The following LYRM4 variants were observed in gnomAD, a reference collection of about 807,000 sequenced individuals.
The protein encoded by LYRM4 is LYR motif containing 4, also known as LYR motif-containing protein 4.
Under a neutral mutation model 11.7 loss-of-function variants are expected in LYRM4, and 9 were observed. The observed-to-expected ratio is 0.77, with a 90% confidence interval of 0.46 to 1.34. LYRM4 has a LOEUF of 1.34. Ranked by LOEUF, LYRM4 falls within the 40% of genes most tolerant of loss-of-function variation. The pLI, the probability that LYRM4 is intolerant of heterozygous loss-of-function variation, is 0.00. For synonymous variants in LYRM4, 42 were observed against 40.4 expected, an observed-to-expected ratio of 1.04 and a Z score of -0.15; for missense variants, 133 against 112.5, an observed-to-expected ratio of 1.18 and a Z score of -0.82.
intron 1 of LYRM4, among the ~76,000 whole-genome samples, chr6:5,227,023 A>G (rs1762933913): frequency 1.3e-5 from 2 of 152,208 alleles, no homozygotes; most frequent in African/African-American, 4.8e-5. Flanking sequence ...AACCCTGGTG[A>G]AAAGAAGAGG....
intron 1 of LYRM4, 49 bp downstream of exon 1, chr6:5,260,599 C>CCCCCGGG: frequency 8.8e-7 from 1 of 1,134,696 alleles, no homozygotes; most frequent in Non-Finnish European, 1.3e-6. Context: ...CACCCCCGGT[C>CCCCCGGG]CCCGGCCCCT....
chr6:5,145,070 G>T (rs545728933), intron 2 of LYRM4, among the ~76,000 whole-genome samples: 2 of 152,354 alleles, frequency 1.3e-5, no homozygotes, highest in Admixed American at 6.5e-5. Flanking sequence ...CGCTGGAAGA[G>T]AATTCCACAG....
intron 1 of LYRM4, among the ~76,000 whole-genome samples, chr6:5,247,077 C>T (rs1019917531): frequency 4.6e-5 from 7 of 152,182 alleles, no homozygotes; most frequent in Non-Finnish European, 5.9e-5. Context: ...CAGGATTCTG[C>T]GGCCCACAGC....
the LYRM4 span, chr6:5,086,331 G>A: frequency 6.5e-7 from 1 of 1,535,806 alleles, no homozygotes. Context: ...CACCGTCTGG[G>A]GCCTCCGAGC....
chr6:5,192,584 A>C (rs1416459709), intron 2 of LYRM4, among the ~76,000 whole-genome samples: 2 of 152,130 alleles, frequency 1.3e-5, no homozygotes, highest in African/African-American at 4.8e-5. Context: ...CACAGGACAG[A>C]ATGCCTGTGA....
At chr6:5,112,693 T>C (rs1289811249) in intron 2 of LYRM4, among the ~76,000 whole-genome samples, 1 of 152,062 alleles carries the variant, frequency 6.6e-6, no homozygotes, top group African/African-American at 2.4e-5. Context: ...GCATCTGGAA[T>C]GTGCTAGCAT....
At chr6:5,048,290 G>GGTGTGTGTGTGTGTGT in the LYRM4 span, among the ~76,000 whole-genome samples, 4 of 140,058 alleles carry the variant, frequency 2.9e-5, no homozygotes, top group Admixed American at 7.2e-5. Flanking sequence ...GACACTTTGT[G>GGTGTGTGTGTGTGTGT]GTGTGTGTGT....
downstream of LYRM4, chr6:5,106,925 G>C (rs951336932): frequency 3.9e-5 from 6 of 152,262 alleles, no homozygotes; most frequent in African/African-American, 1.4e-4. Flanking sequence ...TAGTCAAGGA[G>C]GTGGAATACT....
At chr6:5,259,494 T>C (rs1187896573) in intron 1 of LYRM4, among the ~76,000 whole-genome samples, 1 of 152,224 alleles carries the variant, frequency 6.6e-6, no homozygotes, top group Non-Finnish European at 1.5e-5. Flanking sequence ...ATTTGCAGCA[T>C]GAGTATATTT....
chr6:5,257,006 T>C (rs1764709049), intron 1 of LYRM4, among the ~76,000 whole-genome samples: 2 of 152,184 alleles, frequency 1.3e-5, no homozygotes, highest in Admixed American at 1.3e-4. Context: ...TATCTTCCAC[T>C]ATTCCTGTCC....
At chr6:5,044,870 A>G in the LYRM4 span, among the ~76,000 whole-genome samples, 5 of 152,138 alleles carry the variant, frequency 3.3e-5, no homozygotes, top group African/African-American at 1.2e-4. Context: ...AATGGCTGCT[A>G]CTCTACAGCC....
chr6:5,214,553 C>T (rs1762160495), intron 2 of LYRM4, among the ~76,000 whole-genome samples: 1 of 152,134 alleles, frequency 6.6e-6, no homozygotes, highest in Non-Finnish European at 1.5e-5. Context: ...GTGTGGAGAA[C>T]AGACCATGTG....
the LYRM4 span, among the ~76,000 whole-genome samples, chr6:5,083,196 C>T: frequency 6.6e-6 from 1 of 152,210 alleles, no homozygotes; most frequent in Non-Finnish European, 1.5e-5. Context: ...CATGTGCCCC[C>T]GTGAGGGTTG....
At position 5,201,730 on chromosome 6, in the gene LYRM4, G is replaced by A. The variant is rs372349562; in HGVS notation, c.207+14888C>T. ...CCCCAGAGAGGCACTCTGACTTTCA[G>A]CAAGTCACTGGCTCTCAGTTGGAAG... On this transcript the variant is annotated intron_variant, in intron 2 of 2. Coordinates refer to ENST00000330636, the MANE Select transcript of LYRM4 (RefSeq NM_020408.6). Among the ~76,000 whole-genome samples the A allele has an allele frequency of 2.1e-3, 326 of 152,318 alleles. 2 individuals carry two copies. The highest frequency in any genetic ancestry group is 6.9e-3 in the African/African-American group (285 of 41,554).
rs140109281 is a variant in LYRM4 at position 5,255,683 on chromosome 6, C to T, written c.86+4965G>A. ...TTTTGATGTTCCCTAGAATAGCATC[C>T]GTAGCCACGAATTTTCTCACCTTAA... On this transcript the variant is annotated intron_variant, in intron 1 of 2. Coordinates refer to ENST00000330636, the MANE Select transcript of LYRM4 (RefSeq NM_020408.6). 3.3e-3 allele frequency among the ~76,000 whole-genome samples: 509 copies of T among 152,076 alleles called. 5 individuals are homozygous for T. The highest frequency in any genetic ancestry group is 0.011 in the African/African-American group (456 of 41,490).
chr6:5,054,158 T>A, the LYRM4 span: 1 of 980,678 alleles, frequency 1.0e-6, no homozygotes, highest in African/African-American at 1.7e-5. Flanking sequence ...TTTGAGTGTC[T>A]CTGCAGGGAG....
chr6:5,228,572 C>A (rs1432057974), intron 1 of LYRM4, among the ~76,000 whole-genome samples: 5 of 152,100 alleles, frequency 3.3e-5, no homozygotes, highest in African/African-American at 9.6e-5. Context: ...GCCACCATGC[C>A]CAGCCAAGAA....
chr6:5,112,851 C>A (rs962412413), intron 2 of LYRM4, among the ~76,000 whole-genome samples: 1 of 152,028 alleles, frequency 6.6e-6, no homozygotes. Flanking sequence ...GCCCATGACA[C>A]GATTGGACGT....
At chr6:5,121,913 G>A (rs114713207) in intron 2 of LYRM4, among the ~76,000 whole-genome samples, 5 of 152,224 alleles carry the variant, frequency 3.3e-5, no homozygotes, top group African/African-American at 1.2e-4. Flanking sequence ...TGGGGAATGA[G>A]CAAGTTCTTG....
Sources: allele counts gnomAD v4.1 joint callset (sites outside exome capture counted in the v4.1 genomes callset), GRCh38; gene constraint gnomAD v4.1.1; transcripts MANE v1.5; gene names NCBI Gene and HGNC (gene_info 2026-07-23, HGNC 2026-07-21).